The following COLEC12 variants were observed in gnomAD, a reference collection of about 807,000 sequenced individuals.
COLEC12 encodes collectin subfamily member 12, also known as collectin-12.
COLEC12 carries 33 observed loss-of-function variants against 71.1 expected under a neutral mutation model. That is an observed-to-expected ratio of 0.46 (90% confidence interval 0.35 to 0.62). COLEC12 has a LOEUF of 0.62. Ranked by LOEUF, COLEC12 falls within the 20% of genes least tolerant of loss-of-function variation. The probability of loss-of-function intolerance (pLI) is 0.00; values close to 1 mark genes in which losing one functional copy is unlikely to be tolerated. For missense variants in COLEC12, 765 were observed against 916.1 expected (o/e 0.84, Z 2.13); for synonymous variants, 350 against 353.0 (o/e 0.99, Z 0.10).
At chr18:499,785 C>A (rs1917783579) in intron 1 of COLEC12, among the ~76,000 whole-genome samples, 1 of 152,236 alleles carries the variant, frequency 6.6e-6, no homozygotes, top group South Asian at 2.1e-4. Context: ...AGTACGATAA[C>A]ATCTGACACT....
chr18:338,205 A>G (rs749077424), intron 5 of COLEC12, among the ~76,000 whole-genome samples: 9 of 152,172 alleles, frequency 5.9e-5, no homozygotes, highest in Non-Finnish European at 1.3e-4. Context: ...AGGCCACTTC[A>G]GATGGAAGTT....
Position 322,214 on chromosome 18 carries a change from ACG to A in COLEC12, c.2064-409_2064-408del, listed in dbSNP as rs1491099967. Among the ~76,000 whole-genome samples the A allele has an allele frequency of 1.6e-3, 241 of 151,900 alleles. 1 individual carries two copies. Among genetic ancestry groups the A allele is most frequent in the Non-Finnish European group, 2.5e-3 (167 of 67,948 alleles). On this transcript the variant is annotated intron_variant, in intron 8 of 9. Coordinates refer to ENST00000400256, the MANE Select transcript of COLEC12 (RefSeq NM_130386.3). ...ATGATACACACACACACACACACAC[ACG>A]CACACATGATCTTGTGAGAACCCAG... is the stretch of plus-strand genomic sequence containing the variant.
At chr18:464,127 T>C (rs1013531576) in intron 2 of COLEC12, among the ~76,000 whole-genome samples, 1 of 152,164 alleles carries the variant, frequency 6.6e-6, no homozygotes, top group Admixed American at 6.5e-5. Context: ...CCTTTCCCAA[T>C]TTCCTCTTGT....
chr18:388,025 A>C (rs561075223), intron 2 of COLEC12, among the ~76,000 whole-genome samples: 144 of 152,302 alleles, frequency 9.5e-4, no homozygotes, highest in African/African-American at 3.3e-3. Flanking sequence ...CTTCCCCGCA[A>C]AACAGTTTAC....
Position 362,827 on chromosome 18 carries a change from C to A in COLEC12, c.59-5305G>T, listed in dbSNP as rs147529787. Among the ~76,000 whole-genome samples the A allele has an allele frequency of 6.6e-6, 1 of 152,170 alleles. No individual in the cohort carries two copies. Among genetic ancestry groups the A allele is most frequent in the Non-Finnish European group, 1.5e-5 (1 of 68,042 alleles). ...ATCTCCCGCTGAACTCCACTCTTGG[C>A]TCATGTTTTGAATGTATTTTCCAGT... On this transcript the variant is annotated intron_variant, in intron 2 of 9. Coordinates refer to ENST00000400256, the MANE Select transcript of COLEC12 (RefSeq NM_130386.3). The surrounding 1 kb of genome is among the most constrained non-coding windows in gnomAD (Gnocchi z 4.6).
intron 2 of COLEC12, among the ~76,000 whole-genome samples, chr18:469,560 C>T (rs1917153363): frequency 6.6e-6 from 1 of 152,148 alleles, no homozygotes; most frequent in Non-Finnish European, 1.5e-5. Flanking sequence ...CTCAACAAGC[C>T]TCATGAGGTG....
intron 2 of COLEC12, among the ~76,000 whole-genome samples, chr18:368,843 G>A (rs7234282): frequency 0.018 from 2,700 of 152,282 alleles, 85 homozygotes; most frequent in African/African-American, 0.062. Flanking sequence ...TCCAGCCTGG[G>A]CAACAGAGCG....
intron 5 of COLEC12, among the ~76,000 whole-genome samples, chr18:343,923 C>G (rs73373535): frequency 0.023 from 3,545 of 152,250 alleles, 135 homozygotes; most frequent in African/African-American, 0.08. Flanking sequence ...TAAAAGAATC[C>G]TAACAATAGA....
chr18:445,285 C>A (rs138700285), intron 2 of COLEC12, among the ~76,000 whole-genome samples: 1 of 152,196 alleles, frequency 6.6e-6, no homozygotes, highest in Non-Finnish European at 1.5e-5. Flanking sequence ...TTATCCATCT[C>A]TCCTAGGTTA....
At chr18:444,351 G>T (rs146786476) in intron 2 of COLEC12, among the ~76,000 whole-genome samples, 1 of 152,202 alleles carries the variant, frequency 6.6e-6, no homozygotes, top group African/African-American at 2.4e-5. Flanking sequence ...GGAGATCACT[G>T]GGATAGAGTC....
chr18:321,862 T>C (rs1913714349), intron 8 of COLEC12, 55 bp from the exon 9 acceptor site: 1 of 1,538,138 alleles, frequency 6.5e-7, no homozygotes, highest in East Asian at 2.3e-5. Flanking sequence ...GAGCTTTTCT[T>C]TACTCAAGAG....
chr18:395,228 G>A (rs1915545124), intron 2 of COLEC12, among the ~76,000 whole-genome samples: 1 of 152,234 alleles, frequency 6.6e-6, no homozygotes, highest in Admixed American at 6.5e-5. Context: ...TTGGCAACTG[G>A]CACATGGCAT....
chr18:433,963 C>CA (rs11395419), intron 2 of COLEC12, among the ~76,000 whole-genome samples: 72,544 of 130,110 alleles, frequency 0.56, 20,550 homozygotes, highest in Non-Finnish European at 0.62. Flanking sequence ...GACCCTGCCT[C>CA]AAAAAAAAAA....
intron 7 of COLEC12, 80 bp from the exon 8 acceptor site, chr18:331,857 G>GA (rs1913991204): frequency 1.1e-5 from 9 of 842,506 alleles, no homozygotes; most frequent in Middle Eastern, 2.3e-4. Context: ...TTAACATTTA[G>GA]AAAAAAGGAC....
chr18:414,731 C>T (rs893376944), intron 2 of COLEC12, among the ~76,000 whole-genome samples: 2 of 152,122 alleles, frequency 1.3e-5, no homozygotes, highest in Non-Finnish European at 2.9e-5. Context: ...AAGGGCGGCC[C>T]AGAGATGAAG....
intron 1 of COLEC12, among the ~76,000 whole-genome samples, chr18:496,014 T>A (rs2143797886): frequency 1.3e-5 from 2 of 152,308 alleles, no homozygotes; most frequent in South Asian, 4.1e-4. Context: ...CCCTGAGAGA[T>A]TACCCACATG....
At position 320,036 on chromosome 18, in the gene COLEC12, C is replaced by T. The variant is rs767007080; in HGVS notation, c.*9G>A. On this transcript the variant is annotated 3_prime_UTR_variant, in exon 10 of 10. Transcript: ENST00000400256. ...TGAAAATTTGCTCATGTGATCCCAT[C>T]ACAGTCCGTTATAATGCAGATGACA... 4 of 1,545,282 alleles carry T rather than the reference C, an allele frequency of 2.6e-6. No homozygotes were observed. The highest frequency in any genetic ancestry group is 3.5e-6 in the Non-Finnish European group (4 of 1,130,068).
intron 2 of COLEC12, among the ~76,000 whole-genome samples, chr18:434,044 A>G (rs992463755): frequency 6.6e-6 from 1 of 151,918 alleles, no homozygotes; most frequent in Non-Finnish European, 1.5e-5. Flanking sequence ...GAGAGAAAAG[A>G]GAAGAGAAGA....
chr18:329,308 G>C (rs1206535206), intron 8 of COLEC12, among the ~76,000 whole-genome samples: 1 of 152,062 alleles, frequency 6.6e-6, no homozygotes, highest in Non-Finnish European at 1.5e-5. Context: ...TTCTTAGTGA[G>C]TCTAACCCAG....
Sources: gnomAD v4.1 joint callset for allele counts (sites outside exome capture counted in the v4.1 genomes callset) on GRCh38, gnomAD v4.1.1 for gene constraint, Gnocchi (gnomAD v3.1) non-coding constraint, MANE v1.5 for transcripts, NCBI Gene and HGNC (gene_info 2026-07-23, HGNC 2026-07-21) for gene names.